OPCML: variants seen among roughly 807,000 people sequenced by gnomAD.
OPCML encodes the protein opioid binding protein/cell adhesion molecule like.
Under a neutral mutation model 37.8 loss-of-function variants are expected in OPCML, and 13 were observed. The ratio of observed to expected loss-of-function variants is 0.34; its 90% CI spans 0.22 to 0.55. The LOEUF (loss-of-function observed/expected upper bound fraction) is 0.55, where lower values mean the gene tolerates loss of function less well. Among genes scored for constraint, OPCML ranks in the 20% least tolerant of loss-of-function variants. OPCML has a pLI of 0.91. For synonymous variants in OPCML, 176 were observed against 168.8 expected (o/e 1.04, Z -0.33); for missense variants, 341 against 435.6 (o/e 0.78, Z 1.93).
intron 1 of OPCML, among the ~76,000 whole-genome samples, chr11:133,342,372 G>A (rs936180867): frequency 1.3e-5 from 2 of 152,314 alleles, no homozygotes; most frequent in Non-Finnish European, 2.9e-5. Flanking sequence ...GTTATGCAAC[G>A]CAACAACTTG....
chr11:133,363,313 C>T (rs1944464244), intron 1 of OPCML, among the ~76,000 whole-genome samples: 1 of 152,182 alleles, frequency 6.6e-6, no homozygotes, highest in Non-Finnish European at 1.5e-5. Flanking sequence ...AACGAGTCTT[C>T]GCCAAGGCAG....
intron 3 of OPCML, among the ~76,000 whole-genome samples, chr11:132,570,807 AG>A (rs1301002789): frequency 1.6e-5 from 2 of 126,878 alleles, no homozygotes; most frequent in Non-Finnish European, 3.4e-5. Flanking sequence ...ATATATTTAG[AG>A]AGAGAGAGAG....
At chr11:132,601,234 G>T (rs1201966035) in intron 3 of OPCML, among the ~76,000 whole-genome samples, 2 of 151,876 alleles carry the variant, frequency 1.3e-5, no homozygotes, top group Non-Finnish European at 2.9e-5. Context: ...CCTCCTCCCT[G>T]GTCTGCCCCT....
At chr11:133,271,228 T>C (rs538526821) in intron 1 of OPCML, among the ~76,000 whole-genome samples, 1 of 152,310 alleles carries the variant, frequency 6.6e-6, no homozygotes, top group South Asian at 2.1e-4. Flanking sequence ...AAGGGTAACA[T>C]ACATAAAGTA....
At chr11:132,740,761 A>G (rs1368203821) in intron 2 of OPCML, among the ~76,000 whole-genome samples, 2 of 152,226 alleles carry the variant, frequency 1.3e-5, no homozygotes, top group Admixed American at 1.3e-4. Context: ...GAAAGCAAGA[A>G]CACAATTCTA....
chr11:133,343,065 A>G (rs1017152163), intron 1 of OPCML, among the ~76,000 whole-genome samples: 7 of 152,080 alleles, frequency 4.6e-5, no homozygotes, highest in African/African-American at 1.4e-4. Context: ...CTAGCCTCAA[A>G]CAATCCTCCC....
intron 2 of OPCML, among the ~76,000 whole-genome samples, chr11:132,903,497 A>G (rs1395175135): frequency 2.0e-5 from 3 of 152,164 alleles, no homozygotes; most frequent in Non-Finnish European, 4.4e-5. Flanking sequence ...TTAACCTGAA[A>G]AACTACTAAT....
At chr11:133,005,726 T>A (rs979154735) in intron 1 of OPCML, 2 of 978,484 alleles carry the variant, frequency 2.0e-6, no homozygotes, top group Non-Finnish European at 2.4e-6. Context: ...TTTCTGTTAA[T>A]TCTTTTTAAA....
Position 132,519,583 on chromosome 11 carries a change from G to A in OPCML, c.505+9478C>T, listed in dbSNP as rs567475809. Among the ~76,000 whole-genome samples, 418 of 152,174 alleles carry A rather than the reference G, an allele frequency of 2.7e-3. 3 individuals carry two copies. Among genetic ancestry groups the A allele is most frequent in the African/African-American group, 9.5e-3 (395 of 41,530 alleles). On this transcript the variant is annotated intron_variant, in intron 4 of 7. Transcript: ENST00000524381. ...AGCGAAAATGTACGCAAGCAAAGGG[G>A]GAAAACATATGGGTACCCATATGGC...
At chr11:133,257,999 G>T (rs1941373131) in intron 1 of OPCML, among the ~76,000 whole-genome samples, 1 of 152,114 alleles carries the variant, frequency 6.6e-6, no homozygotes, top group African/African-American at 2.4e-5. Context: ...TGTATCTGGG[G>T]GTGAGTTAAG....
intron 1 of OPCML, among the ~76,000 whole-genome samples, chr11:133,393,933 C>T (rs1945229566): frequency 1.3e-5 from 2 of 152,234 alleles, no homozygotes; most frequent in South Asian, 4.1e-4. Context: ...TTCCACTTTA[C>T]TCCTATCCAA....
At chr11:133,011,619 A>G (rs1351161668) in intron 1 of OPCML, among the ~76,000 whole-genome samples, 1 of 149,720 alleles carries the variant, frequency 6.7e-6, no homozygotes, top group Non-Finnish European at 1.5e-5. Context: ...TTCCAGGTAT[A>G]TTGTTTTAAT....
intron 3 of OPCML, among the ~76,000 whole-genome samples, chr11:132,557,732 T>A (rs534018076): frequency 6.6e-6 from 1 of 152,310 alleles, no homozygotes; most frequent in African/African-American, 2.4e-5. Context: ...TAAAGACGAA[T>A]AAGGTTCAAC....
chr11:133,069,482 G>A (rs975428261), intron 1 of OPCML, among the ~76,000 whole-genome samples: 4 of 152,172 alleles, frequency 2.6e-5, no homozygotes, highest in African/African-American at 9.7e-5. Flanking sequence ...TAGCTGGGGT[G>A]CAGGGGCGAG....
rs377233895 is a variant in OPCML at position 133,234,720 on chromosome 11, C to A, written c.62-291710G>T. Among the ~76,000 whole-genome samples, 29 of 152,354 alleles carry A rather than the reference C, an allele frequency of 1.9e-4. No individual in the cohort carries two copies. The East Asian group carries it at 5.6e-3, about 29-fold the overall frequency. On this transcript the variant is annotated intron_variant, in intron 1 of 7. Coordinates refer to ENST00000524381, the MANE Select transcript of OPCML (RefSeq NM_001012393.5). ...TTCTCCAAGTTAAACCATGCTAGTT[C>A]TCTAGCCTTTCTTCAGTGGTTTCAT...
At chr11:132,879,452 T>C (rs530690018) in intron 2 of OPCML, among the ~76,000 whole-genome samples, 1 of 152,310 alleles carries the variant, frequency 6.6e-6, no homozygotes, top group South Asian at 2.1e-4. Flanking sequence ...AGATGAGGTG[T>C]TATTACAATG....
intron 2 of OPCML, among the ~76,000 whole-genome samples, chr11:132,747,646 T>A (rs1284855787): frequency 6.6e-6 from 1 of 152,188 alleles, no homozygotes; most frequent in Non-Finnish European, 1.5e-5. Flanking sequence ...ATTGACTGCA[T>A]CTTTTACTCA....
chr11:132,619,412 T>C (rs1939256418), intron 3 of OPCML, among the ~76,000 whole-genome samples: 1 of 152,184 alleles, frequency 6.6e-6, no homozygotes, highest in East Asian at 1.9e-4. Flanking sequence ...CCAAACACAG[T>C]GCCTAGTGTA....
chr11:132,655,840 T>G (rs1408049183), intron 3 of OPCML, among the ~76,000 whole-genome samples: 1 of 149,460 alleles, frequency 6.7e-6, no homozygotes. Flanking sequence ...GGAAACCAAT[T>G]GAAATGAGCA....
Sources: allele counts gnomAD v4.1 joint callset (sites outside exome capture counted in the v4.1 genomes callset), GRCh38; gene constraint gnomAD v4.1.1; transcripts MANE v1.5; gene names NCBI Gene and HGNC (gene_info 2026-07-23, HGNC 2026-07-21).